The following METTL2A variants were observed in gnomAD, a reference collection of about 807,000 sequenced individuals.
METTL2A encodes the protein methyltransferase 2A, tRNA N3-cytidine.
METTL2A carries 45 observed loss-of-function variants against 49.4 expected under a neutral mutation model. The ratio of observed to expected loss-of-function variants is 0.91; its 90% CI spans 0.72 to 1.17. The LOEUF is 1.17. Among genes scored for constraint, METTL2A ranks in the 50% most tolerant of loss-of-function variants. METTL2A has a pLI of 0.00. For missense variants in METTL2A, 361 were observed against 462.2 expected (o/e 0.78, Z 2.01); for synonymous variants, 118 against 167.5 (o/e 0.70, Z 2.28).
At chr17:62,434,875 G>C in intron 4 of METTL2A, 1 of 300,122 alleles carries the variant, frequency 3.3e-6, no homozygotes, top group Non-Finnish European at 6.5e-6. Flanking sequence ...TGTGTTCCTG[G>C]TGTGGAGAAA....
rs1339792136 is a variant in METTL2A at position 62,451,443 on chromosome 17, C to T, written c.*2714C>T. Among the ~76,000 whole-genome samples the T allele has an allele frequency of 8.0e-5, 12 of 149,982 alleles. No individual in the cohort carries two copies. Among genetic ancestry groups the T allele is most frequent in the South Asian group, 2.1e-4 (1 of 4,736 alleles). On this transcript the variant is annotated 3_prime_UTR_variant, in exon 9 of 9. Transcript: ENST00000311506. ...GATTACAGGCGTGAGCCACCACGCC[C>T]GGCCAAGACCCTGACTTTTTAAAAA...
chr17:62,438,652 T>C (rs2070717684), intron 5 of METTL2A, among the ~76,000 whole-genome samples: 1 of 151,150 alleles, frequency 6.6e-6, no homozygotes, highest in Admixed American at 6.6e-5. Flanking sequence ...GGTAGTGCCA[T>C]GCTTTTAGAA....
At chr17:62,428,170 G>A (rs1385338133) in intron 4 of METTL2A, among the ~76,000 whole-genome samples, 1 of 152,056 alleles carries the variant, frequency 6.6e-6, no homozygotes, top group African/African-American at 2.4e-5. Context: ...AACATTTAGC[G>A]CCTTCTTCTT....
intron 6 of METTL2A, among the ~76,000 whole-genome samples, chr17:62,442,286 T>A (rs2070743095): frequency 6.6e-6 from 1 of 152,002 alleles, no homozygotes; most frequent in African/African-American, 2.4e-5. Context: ...CTTCTCTTTT[T>A]TTTTTCTGAG....
At chr17:62,438,407 CAAA>C (rs1232215588) in intron 5 of METTL2A, among the ~76,000 whole-genome samples, 3 of 108,596 alleles carry the variant, frequency 2.8e-5, no homozygotes, top group Admixed American at 9.8e-5. Flanking sequence ...AACTCCATCT[CAAA>C]AAAAAAAAAA....
intron 5 of METTL2A, among the ~76,000 whole-genome samples, chr17:62,438,625 A>G (rs1415908134): frequency 6.6e-6 from 1 of 151,628 alleles, no homozygotes; most frequent in Non-Finnish European, 1.5e-5. Flanking sequence ...CAATGCTGTT[A>G]GGGCAGATTA....
intron 2 of METTL2A, among the ~76,000 whole-genome samples, chr17:62,424,703 C>A (rs1355971047): frequency 6.6e-6 from 1 of 151,810 alleles, no homozygotes; most frequent in African/African-American, 2.4e-5. Flanking sequence ...TGATTAGATT[C>A]TAAATATTGT....
In METTL2A at chr17:62,424,022, C is replaced by T. The variant is rs548667583; in HGVS notation, c.110+10C>T. Reference sequence around the variant, plus strand: ...TCCACCACAATGCCTGGTAATCACTCTGCCCCTTCGCCCGGCCTGTCGCTG... The same window carrying T: ...TCCACCACAATGCCTGGTAATCACTTTGCCCCTTCGCCCGGCCTGTCGCTG... On this transcript the variant is annotated intron_variant, in intron 1 of 8. Coordinates refer to ENST00000311506, the MANE Select transcript of METTL2A (RefSeq NM_181725.4). 1.9e-6 allele frequency: 3 copies of T among 1,613,056 alleles called. No homozygotes were observed. The highest frequency in any genetic ancestry group is 1.3e-5 in the African/African-American group (1 of 75,036).
chr17:62,439,136 A>T (rs2070721073), intron 5 of METTL2A, among the ~76,000 whole-genome samples: 1 of 150,776 alleles, frequency 6.6e-6, no homozygotes, highest in Admixed American at 6.6e-5. Flanking sequence ...GTGCCACTGC[A>T]CCCAGCTAAT....
chr17:62,440,639 C>G lies in METTL2A; in HGVS notation c.692C>G (p.Ser231Cys). 6.2e-7 allele frequency: 1 copy of G among 1,613,380 alleles called. No homozygotes were observed. The highest frequency in any genetic ancestry group is 8.5e-7 in the Non-Finnish European group (1 of 1,179,852). ...LVQTNSEYDP[S>C]RCFAFVHDLC... Reference sequence around the variant, plus strand: ...CAGACAAATTCAGAATATGATCCTTCTCGGTGTTTTGCCTTTGTTCACGAC... The same window carrying G: ...CAGACAAATTCAGAATATGATCCTTGTCGGTGTTTTGCCTTTGTTCACGAC... The change falls in exon 6 of 9, where the codon TCT becomes TGT. Residue 231 changes from serine (S) to cysteine (C), a missense_variant. By Grantham distance (112) the Ser-to-Cys change is moderately radical (BLOSUM62 -1). Around this residue, in one of 3 missense-constraint regions of METTL2A, gnomAD observed 183 missense variants for 216.5 expected, o/e 0.85. Coordinates refer to ENST00000311506, the MANE Select transcript of METTL2A (RefSeq NM_181725.4).
intron 5 of METTL2A, among the ~76,000 whole-genome samples, 158 bp downstream of exon 5, chr17:62,435,450 G>A (rs551785256): frequency 6.6e-6 from 1 of 152,284 alleles, no homozygotes; most frequent in South Asian, 2.1e-4. Flanking sequence ...TTGTTTTATT[G>A]CAGTTCACTT....
intron 4 of METTL2A, among the ~76,000 whole-genome samples, chr17:62,428,752 C>T (rs540787039): frequency 3.3e-5 from 5 of 152,302 alleles, no homozygotes; most frequent in Admixed American, 1.3e-4. Flanking sequence ...TCCTAGCACA[C>T]GGATGTGTTC....
intron 4 of METTL2A, among the ~76,000 whole-genome samples, chr17:62,428,899 T>G (rs898502744): frequency 6.4e-4 from 98 of 152,298 alleles, no homozygotes; most frequent in Non-Finnish European, 3.1e-4. Flanking sequence ...TCCTCTCACC[T>G]CAGCCTCCCA....
chr17:62,443,038 A>G (rs1420897512), intron 6 of METTL2A, among the ~76,000 whole-genome samples: 3 of 152,184 alleles, frequency 2.0e-5, no homozygotes, highest in African/African-American at 7.2e-5. Flanking sequence ...AGGCATATGC[A>G]GGATAACCCA....
intron 6 of METTL2A, among the ~76,000 whole-genome samples, chr17:62,441,635 C>T (rs112870599): frequency 0.015 from 2,293 of 151,294 alleles, 59 homozygotes; most frequent in African/African-American, 0.053. Flanking sequence ...TTAGTAGATG[C>T]GGGGTTTCAC....
In METTL2A at chr17:62,432,643, C is replaced by CA. The variant is rs554640057; in HGVS notation, c.609-2580dup. On this transcript the variant is annotated intron_variant, in intron 4 of 8. Coordinates refer to ENST00000311506, the MANE Select transcript of METTL2A (RefSeq NM_181725.4). ...TGAAACCCCGTCTCCACTCAAAATA[C>CA]AAAAAAAAATTAGCCGGGCATGGTG... 3.8e-3 allele frequency among the ~76,000 whole-genome samples: 568 copies of CA among 151,376 alleles called. 3 individuals are homozygous for CA. The highest frequency in any genetic ancestry group is 0.021 in the Middle Eastern group (6 of 292).
At chr17:62,425,389 CTTTTT>C (rs746253160) in intron 2 of METTL2A, among the ~76,000 whole-genome samples, 1 of 78,218 alleles carries the variant, frequency 1.3e-5, no homozygotes, top group African/African-American at 5.2e-5. Context: ...ACTGTCCATA[CTTTTT>C]TTTTTTTTTT....
At chr17:62,447,299 A>C (rs1324113319) in intron 7 of METTL2A, among the ~76,000 whole-genome samples, 1 of 152,074 alleles carries the variant, frequency 6.6e-6, no homozygotes, top group African/African-American at 2.4e-5. Flanking sequence ...GGGAACCTGT[A>C]ATCCCAGCTA....
rs1297914318 is a variant in METTL2A at position 62,451,757 on chromosome 17, G to A, written c.*3028G>A. Among the ~76,000 whole-genome samples the A allele has an allele frequency of 6.6e-6, 1 of 152,124 alleles. No homozygotes were observed. Among genetic ancestry groups the A allele is most frequent in the Non-Finnish European group, 1.5e-5 (1 of 68,030 alleles). ...AAATACAAAATAGCCAGGTGTGATG[G>A]CGCATGCCTGTAACCCCATCCACTT... On this transcript the variant is annotated 3_prime_UTR_variant, in exon 9 of 9. Coordinates refer to ENST00000311506, the MANE Select transcript of METTL2A (RefSeq NM_181725.4).
Sources: allele counts gnomAD v4.1 joint callset (sites outside exome capture counted in the v4.1 genomes callset), GRCh38; gene constraint gnomAD v4.1.1; regional missense constraint gnomAD v4.1.1; transcripts MANE v1.5; gene names NCBI Gene and HGNC (gene_info 2026-07-23, HGNC 2026-07-21).